The following GPHN variants were observed in gnomAD, a reference collection of about 807,000 sequenced individuals.
GPHN encodes gephyrin.
GPHN carries 17 observed loss-of-function variants against 95.5 expected under a neutral mutation model. The observed-to-expected ratio is 0.18, with a 90% CI of 0.12 to 0.27. The LOEUF is 0.27. Ranked by LOEUF, GPHN falls within the 10% of genes least tolerant of loss-of-function variation. GPHN has a pLI of 1.00. For missense variants in GPHN, 660 were observed against 978.1 expected (o/e 0.67, Z 4.34); for synonymous variants, 320 against 322.5 (o/e 0.99, Z 0.08).
chr14:67,562,527 C>A, the GPHN span: 2 of 1,609,978 alleles, frequency 1.2e-6, no homozygotes, highest in Non-Finnish European at 1.7e-6. Context: ...GGGACAAAGA[C>A]CTCTGCCAGG....
rs569443569 is a variant in GPHN, at chr14:66,694,077, A to G, written c.143+12892A>G. Among the ~76,000 whole-genome samples the G allele has an allele frequency of 4.6e-5, 7 of 152,312 alleles. No individual in the cohort carries two copies. The South Asian group carries it at 1.5e-3, about 32-fold the overall frequency. On this transcript the variant is annotated intron_variant, in intron 2 of 22. Coordinates refer to ENST00000478722, the MANE Select transcript of GPHN (RefSeq NM_020806.5). ...TAGTTGCTGTGGTCTGAATGTATAT[A>G]TCTGCCCAGAATTCATATGTTGAAG...
chr14:67,144,048 C>T (rs1361241636), intron 18 of GPHN, among the ~76,000 whole-genome samples: 1 of 150,330 alleles, frequency 6.7e-6, no homozygotes, highest in African/African-American at 2.5e-5. Flanking sequence ...ACCACCTGGG[C>T]GACGTGGTGA....
At chr14:66,693,738 C>A (rs1566828418) in intron 2 of GPHN, among the ~76,000 whole-genome samples, 1 of 152,128 alleles carries the variant, frequency 6.6e-6, no homozygotes, top group East Asian at 1.9e-4. Context: ...AGAAATAATG[C>A]TTTATCAGTA....
the GPHN span, chr14:67,393,285 G>A: frequency 3.0e-5 from 41 of 1,389,356 alleles, no homozygotes; most frequent in Admixed American, 6.7e-5. Context: ...CTCATCACGC[G>A]GGCAGGTATA....
the GPHN span, among the ~76,000 whole-genome samples, chr14:67,462,708 C>A: frequency 3.3e-5 from 5 of 152,162 alleles, no homozygotes; most frequent in African/African-American, 1.2e-4. Context: ...GGCTGAAGAG[C>A]AAACTAAGAG....
At chr14:67,296,776 C>T in the GPHN span, among the ~76,000 whole-genome samples, 1 of 151,850 alleles carries the variant, frequency 6.6e-6, no homozygotes, top group Non-Finnish European at 1.5e-5. Context: ...GCTCTGTCAC[C>T]CAGGCTGCTG....
chr14:67,206,800 G>A, the GPHN span, among the ~76,000 whole-genome samples: 1 of 150,058 alleles, frequency 6.7e-6, no homozygotes, highest in Admixed American at 6.7e-5. Context: ...GTGAGATCTC[G>A]GCTCACTGCA....
chr14:66,792,621 TA>T (rs1335963152), intron 3 of GPHN, among the ~76,000 whole-genome samples: 18 of 152,186 alleles, frequency 1.2e-4, no homozygotes, highest in African/African-American at 4.3e-4. Flanking sequence ...AGAAAATTTT[TA>T]AAAGCAGTTG....
chr14:67,392,374 A>G, the GPHN span: 2 of 1,613,916 alleles, frequency 1.2e-6, no homozygotes, highest in South Asian at 2.2e-5. Flanking sequence ...TTAACTCCAC[A>G]GTGCTCAGGC....
In GPHN at chr14:66,518,411, C is replaced by T. The variant is rs1271359234; in HGVS notation, c.64+9820C>T. Among the ~76,000 whole-genome samples, 8 of 152,152 alleles carry T rather than the reference C, an allele frequency of 5.3e-5. No individual in the cohort carries two copies. In the East Asian group the frequency reaches 1.5e-3, roughly 29 times the overall value. The stretch of plus-strand genomic sequence containing the variant: ...ATAGGAATGTAAACAAGTACAGCCA[C>T]TATGGAGAACAGTATAGAGGTTCTT... On this transcript the variant is annotated intron_variant, in intron 1 of 22. Transcript: ENST00000478722.
intron 13 of GPHN, among the ~76,000 whole-genome samples, chr14:67,107,616 G>A (rs1337461235): frequency 1.3e-5 from 2 of 152,200 alleles, no homozygotes; most frequent in Non-Finnish European, 2.9e-5. Flanking sequence ...GGTCACAGTG[G>A]ATAAGGTACT....
At chr14:66,716,702 A>C (rs1285037980) in intron 2 of GPHN, among the ~76,000 whole-genome samples, 1 of 152,144 alleles carries the variant, frequency 6.6e-6, no homozygotes, top group Non-Finnish European at 1.5e-5. Context: ...CAGTTCTTGT[A>C]GTGGTGGCTT....
At chr14:66,929,953 C>G (rs1039122209) in intron 8 of GPHN, among the ~76,000 whole-genome samples, 3 of 152,090 alleles carry the variant, frequency 2.0e-5, no homozygotes, top group East Asian at 1.9e-4. Flanking sequence ...CCACATGATC[C>G]GCCCGCCTCG....
the GPHN span, chr14:67,473,271 C>T: frequency 9.1e-7 from 1 of 1,101,058 alleles, no homozygotes; most frequent in Non-Finnish European, 1.3e-6. The surrounding 1 kb of genome is among the most constrained non-coding windows in gnomAD (Gnocchi z 6.5). Context: ...CACCGGCCCC[C>T]GCGGACGTTA....
At chr14:66,709,596 G>T in intron 2 of GPHN, 1 of 322,784 alleles carries the variant, frequency 3.1e-6, no homozygotes, top group Non-Finnish European at 6.3e-6. Context: ...TAAAACCTAA[G>T]TATTATTTAT....
At chr14:66,929,739 T>C (rs1452482431) in intron 8 of GPHN, among the ~76,000 whole-genome samples, 2 of 150,858 alleles carry the variant, frequency 1.3e-5, no homozygotes, top group African/African-American at 4.9e-5. Flanking sequence ...TGAGATGGAG[T>C]GTCACTCTTT....
chr14:66,917,562 A>C (rs563969300), intron 6 of GPHN, among the ~76,000 whole-genome samples: 6 of 152,244 alleles, frequency 3.9e-5, no homozygotes, highest in African/African-American at 1.4e-4. Context: ...AAGAGTTGTA[A>C]GGTTTGGCCA....
chr14:67,662,764 C>T, the GPHN span, among the ~76,000 whole-genome samples: 4 of 151,882 alleles, frequency 2.6e-5, no homozygotes, highest in African/African-American at 9.7e-5. Context: ...ATTAGCCGGG[C>T]GTGGTGGCAG....
intron 10 of GPHN, among the ~76,000 whole-genome samples, chr14:67,042,626 C>T (rs906493006): frequency 6.6e-6 from 1 of 152,168 alleles, no homozygotes; most frequent in Non-Finnish European, 1.5e-5. Context: ...GTTTTGGTTA[C>T]TCTAGCCTTG....
Sources: gnomAD v4.1 joint callset for allele counts (sites outside exome capture counted in the v4.1 genomes callset) on GRCh38, gnomAD v4.1.1 for gene constraint, Gnocchi (gnomAD v3.1) non-coding constraint, MANE v1.5 for transcripts, NCBI Gene and HGNC (gene_info 2026-07-23, HGNC 2026-07-21) for gene names.